The following MCCD1 variants were observed in gnomAD, a reference collection of about 807,000 sequenced individuals.
MCCD1 encodes mitochondrial coiled-coil domain 1.
MCCD1 carries 5 observed loss-of-function variants against 5.6 expected under a neutral mutation model. The observed-to-expected ratio is 0.89, with a 90% CI of 0.46 to 1.87. The LOEUF (loss-of-function observed/expected upper bound fraction) is 1.87, where lower values mean the gene tolerates loss of function less well. Ranked by LOEUF, MCCD1 falls within the 40% of genes most tolerant of loss-of-function variation. MCCD1 has a pLI of 0.01. For missense variants in MCCD1, 178 were observed against 141.8 expected (o/e 1.26, Z -1.30); for synonymous variants, 70 against 57.3 (o/e 1.22, Z -1.00).
chr6:31,529,842 G>C lies in MCCD1; in HGVS notation c.267G>C (p.Glu89Asp). The C allele has an allele frequency of 1.3e-6, 2 of 1,589,420 alleles. No homozygotes were observed. The highest frequency in any genetic ancestry group is 4.5e-4 in the Middle Eastern group (2 of 4,480). ...ELYQALLEGQ[E>D]GAWEAQALVL... Reference sequence around the variant, plus strand: ...ACCAGGCCCTCCTTGAAGGGCAGGAGGGAGCCTGGGAGGCCCAAGCCCTGG... The same window carrying C: ...ACCAGGCCCTCCTTGAAGGGCAGGACGGAGCCTGGGAGGCCCAAGCCCTGG... Residue 89 changes from glutamate to aspartate, a missense_variant, in exon 2 of 2, where the codon GAG (glutamate) becomes GAC (aspartate). Physicochemically the swap from Glu to Asp is conservative, Grantham distance 45. Coordinates refer to ENST00000376191, the MANE Select transcript of MCCD1 (RefSeq NM_001011700.3).
chr6:31,529,982 A>G lies in MCCD1; in HGVS notation c.*47A>G. On this transcript the variant is annotated 3_prime_UTR_variant, in exon 2 of 2. Transcript: ENST00000376191. ...ACCCTCCGGCGCTGAAAATACACGC[A>G]CCACCCACCAGGAGCCTTGGGATCA... 1 of 1,441,628 alleles carries G rather than the reference A, an allele frequency of 6.9e-7. No homozygotes were observed. 89.3% of individuals were successfully genotyped at this position (1,441,628 alleles called of 1,614,324 possible). A position where few individuals can be genotyped will look rare whatever the true frequency, so the allele number is the denominator to read the frequency against.
At chr6:31,529,613 G>A (rs1766902642) in intron 1 of MCCD1, 134 bp from the exon 2 acceptor site, 2 of 1,133,148 alleles carry the variant, frequency 1.8e-6, no homozygotes, top group South Asian at 2.2e-5. Flanking sequence ...CAGTACAGGT[G>A]TCCTTAAACG....
Sources: gnomAD v4.1 joint callset for allele counts on GRCh38, gnomAD v4.1.1 for gene constraint, MANE v1.5 for transcripts, NCBI Gene and HGNC (gene_info 2026-07-23, HGNC 2026-07-21) for gene names.